WDR7: variants seen among roughly 807,000 people sequenced by gnomAD.
WDR7 encodes the protein WD repeat-containing protein 7.
In WDR7, 46 loss-of-function variants were observed where a neutral mutation model predicts 169.4. The ratio of observed to expected loss-of-function variants is 0.27; its 90% CI spans 0.21 to 0.35. WDR7 has a LOEUF of 0.35. WDR7 is among the 10% of genes least tolerant of loss of function. WDR7 has a pLI of 1.00. For missense variants in WDR7, 1,534 were observed against 1,859.3 expected (o/e 0.83, Z 3.22); for synonymous variants, 612 against 666.8 (o/e 0.92, Z 1.27).
At chr18:56,946,797 T>C (rs1176850885) in intron 25 of WDR7, among the ~76,000 whole-genome samples, 1 of 152,202 alleles carries the variant, frequency 6.6e-6, no homozygotes, top group Non-Finnish European at 1.5e-5. Context: ...TATTATCAGC[T>C]ATGATTATTT....
chr18:56,836,467 G>A (rs2045398389), intron 20 of WDR7, among the ~76,000 whole-genome samples: 1 of 152,170 alleles, frequency 6.6e-6, no homozygotes, highest in Non-Finnish European at 1.5e-5. Context: ...GTCACACAGA[G>A]ATCAAAGACG....
chr18:56,772,913 G>C (rs541904746), intron 16 of WDR7, among the ~76,000 whole-genome samples: 1 of 152,180 alleles, frequency 6.6e-6, no homozygotes, highest in East Asian at 1.9e-4. Flanking sequence ...AGTAAATGCT[G>C]TAAGAAACAG....
chr18:56,791,319 A>G (rs1475175697), intron 19 of WDR7, among the ~76,000 whole-genome samples: 1 of 152,184 alleles, frequency 6.6e-6, no homozygotes, highest in Non-Finnish European at 1.5e-5. Context: ...TTTAAAACAT[A>G]TAATTAAATT....
chr18:56,682,925 T>C, intron 5 of WDR7, 72 bp downstream of exon 5: 1 of 1,448,080 alleles, frequency 6.9e-7, no homozygotes. Flanking sequence ...CATTCTACAA[T>C]TTATCATAAA....
At chr18:56,691,095 G>A in intron 7 of WDR7, 121 bp from the exon 8 acceptor site, 2 of 1,369,360 alleles carry the variant, frequency 1.5e-6, no homozygotes, top group Non-Finnish European at 2.0e-6. Flanking sequence ...TTCTTTATCT[G>A]ATGCAGCAAA....
intron 9 of WDR7, 102 bp downstream of exon 9, chr18:56,691,919 C>A: frequency 1.2e-6 from 1 of 823,480 alleles, no homozygotes; most frequent in Non-Finnish European, 1.8e-6. Context: ...TGATACAATT[C>A]AAAGCACTGT....
At chr18:56,760,416 T>G (rs1465304157) in intron 16 of WDR7, among the ~76,000 whole-genome samples, 1 of 152,220 alleles carries the variant, frequency 6.6e-6, no homozygotes, top group African/African-American at 2.4e-5. Context: ...TTTGCCTATC[T>G]TTTAAGTTTT....
intron 19 of WDR7, among the ~76,000 whole-genome samples, chr18:56,808,085 G>C (rs2044806715): frequency 6.6e-6 from 1 of 152,180 alleles, no homozygotes; most frequent in African/African-American, 2.4e-5. Context: ...AGAGAGACTA[G>C]GGAACCGGCT....
intron 20 of WDR7, among the ~76,000 whole-genome samples, chr18:56,835,736 T>C (rs2045384871): frequency 6.6e-6 from 1 of 152,228 alleles, no homozygotes; most frequent in Non-Finnish European, 1.5e-5. Flanking sequence ...TTATGTCTTA[T>C]GTTACTAGGT....
At chr18:56,846,203 C>T (rs1338762988) in intron 20 of WDR7, among the ~76,000 whole-genome samples, 1 of 152,106 alleles carries the variant, frequency 6.6e-6, no homozygotes, top group Admixed American at 6.5e-5. Flanking sequence ...TGTGACCCTC[C>T]ATTGTTGGAG....
chr18:56,849,296 A>T (rs1347624567), intron 20 of WDR7, among the ~76,000 whole-genome samples: 1 of 152,204 alleles, frequency 6.6e-6, no homozygotes, highest in Non-Finnish European at 1.5e-5. Flanking sequence ...TCTTCTGACT[A>T]CTTTTAAACA....
chr18:56,659,601 G>A (rs1300296108), intron 1 of WDR7, among the ~76,000 whole-genome samples: 1 of 152,194 alleles, frequency 6.6e-6, no homozygotes, highest in African/African-American at 2.4e-5. Context: ...CACTAAAAAG[G>A]TAATATTTTA....
At chr18:56,686,398 T>C (rs2025444987) in intron 6 of WDR7, among the ~76,000 whole-genome samples, 1 of 152,222 alleles carries the variant, frequency 6.6e-6, no homozygotes, top group African/African-American at 2.4e-5. Context: ...TTTTTAGTCA[T>C]CTATTTCAGT....
At chr18:56,860,277 A>G (rs1048806680) in intron 20 of WDR7, among the ~76,000 whole-genome samples, 2 of 152,182 alleles carry the variant, frequency 1.3e-5, no homozygotes, top group African/African-American at 2.4e-5. Context: ...TAATCTCCAT[A>G]TGATTTCCCT....
At chr18:56,854,450 C>A (rs1286884560) in intron 20 of WDR7, among the ~76,000 whole-genome samples, 2 of 152,210 alleles carry the variant, frequency 1.3e-5, no homozygotes, top group African/African-American at 4.8e-5. Context: ...GGGCATAACA[C>A]CCTCCAGGAA....
In WDR7 at chr18:56,852,440, C is replaced by T. The variant is rs938331744; in HGVS notation, c.3305-27504C>T. 1.4e-4 allele frequency among the ~76,000 whole-genome samples: 21 copies of T among 152,218 alleles called. No individual in the cohort carries two copies. In the East Asian group the frequency reaches 3.7e-3, roughly 27 times the overall value. On this transcript the variant is annotated intron_variant, in intron 20 of 27. Transcript: ENST00000254442. ...GAAAAAGAATTTTTGTCCTCTGTCT[C>T]GTATTTTGAATTGTGGAATAAAAAT... is the stretch of plus-strand genomic sequence containing the variant.
intron 14 of WDR7, among the ~76,000 whole-genome samples, chr18:56,732,697 T>A (rs2026613432): frequency 1.3e-5 from 2 of 152,228 alleles, no homozygotes; most frequent in African/African-American, 4.8e-5. Context: ...ATTCTACATT[T>A]TTCCTCTGTG....
At chr18:56,770,128 C>G (rs7234644) in intron 16 of WDR7, among the ~76,000 whole-genome samples, 44,939 of 152,044 alleles carry the variant, frequency 0.3, 7,480 homozygotes, top group African/African-American at 0.45. Flanking sequence ...TCAATAACTA[C>G]GTGCTGAGGC....
At chr18:56,695,304 G>T in intron 11 of WDR7, 106 bp downstream of exon 11, 1 of 1,412,998 alleles carries the variant, frequency 7.1e-7, no homozygotes, top group Non-Finnish European at 9.6e-7. Flanking sequence ...AATCAGTGTA[G>T]TTAGTTGTTG....
Sources: allele counts gnomAD v4.1 joint callset (sites outside exome capture counted in the v4.1 genomes callset), GRCh38; gene constraint gnomAD v4.1.1; transcripts MANE v1.5; gene names NCBI Gene and HGNC (gene_info 2026-07-23, HGNC 2026-07-21).